The following FAM184A variants were observed in gnomAD, a reference collection of about 807,000 sequenced individuals.
FAM184A encodes the protein family with sequence similarity 184 member A.
FAM184A carries 99 observed loss-of-function variants against 143.8 expected under a neutral mutation model. The observed-to-expected ratio is 0.69, with a 90% confidence interval of 0.58 to 0.81. The LOEUF is 0.81. Ranked by LOEUF, FAM184A falls within the 40% of genes least tolerant of loss-of-function variation. The pLI, the probability that FAM184A is intolerant of heterozygous loss-of-function variation, is 0.00. For synonymous variants in FAM184A, 427 were observed against 446.4 expected (o/e 0.96, Z 0.55); for missense variants, 1,217 against 1,310.5 (o/e 0.93, Z 1.10).
At chr6:119,125,989 T>C (rs1270547751) in intron 1 of FAM184A, among the ~76,000 whole-genome samples, 1 of 152,230 alleles carries the variant, frequency 6.6e-6, no homozygotes, top group African/African-American at 2.4e-5. Flanking sequence ...AGCTCACAGT[T>C]CTACAGGTTA....
chr6:119,031,519 A>G (rs529991083), intron 1 of FAM184A: 6 of 152,356 alleles, frequency 3.9e-5, no homozygotes, highest in African/African-American at 1.4e-4. Flanking sequence ...ACTGTAAGAA[A>G]TAAATTTTTA....
chr6:118,960,015 T>C lies in FAM184A; in HGVS notation c.*88A>G, dbSNP rs1281683757. 3.1e-6 allele frequency: 3 copies of C among 983,392 alleles called. No individual in the cohort carries two copies. The Admixed American group carries it at 7.6e-5, about 25-fold the overall frequency. 60.9% of individuals were successfully genotyped at this position (983,392 alleles called of 1,614,324 possible). On this transcript the variant is annotated 3_prime_UTR_variant, in exon 18 of 18. Transcript: ENST00000338891. ...CAAATACTTTCTCATTCACAGTGTTTGACATAGGAAAGCCTATTTACATAA... is the reference window on the plus strand; with the variant it reads ...CAAATACTTTCTCATTCACAGTGTTCGACATAGGAAAGCCTATTTACATAA...
intron 1 of FAM184A, among the ~76,000 whole-genome samples, chr6:119,059,875 A>G (rs1466517724): frequency 6.6e-6 from 1 of 152,224 alleles, no homozygotes; most frequent in Non-Finnish European, 1.5e-5. Context: ...AGAAAAGCAC[A>G]TTTTAATATT....
chr6:119,072,856 T>A (rs942488993), intron 1 of FAM184A, among the ~76,000 whole-genome samples: 1 of 152,060 alleles, frequency 6.6e-6, no homozygotes, highest in Non-Finnish European at 1.5e-5. Flanking sequence ...GCTGAAATGA[T>A]CTATCATTAA....
At chr6:118,985,915 T>C (rs1333748201) in intron 9 of FAM184A, among the ~76,000 whole-genome samples, 1 of 152,210 alleles carries the variant, frequency 6.6e-6, no homozygotes, top group Non-Finnish European at 1.5e-5. Context: ...ATGTAAAATG[T>C]TTAAAGGTGC....
At chr6:118,981,384 C>G (rs1784016618) in intron 9 of FAM184A, among the ~76,000 whole-genome samples, 1 of 152,094 alleles carries the variant, frequency 6.6e-6, no homozygotes, top group Admixed American at 6.6e-5. Flanking sequence ...GTTCCATAAG[C>G]AACTTAAAAC....
chr6:119,147,968 GTGAT>G (rs1772509514), intron 1 of FAM184A, among the ~76,000 whole-genome samples: 1 of 152,218 alleles, frequency 6.6e-6, no homozygotes, highest in South Asian at 2.1e-4. Context: ...CAAAATGCAA[GTGAT>G]GGTGGCCAAC....
chr6:119,022,507 G>A lies in FAM184A; in HGVS notation c.1150+438C>T, dbSNP rs146033358. On this transcript the variant is annotated intron_variant, in intron 3 of 17. Coordinates refer to ENST00000338891, the MANE Select transcript of FAM184A (RefSeq NM_024581.6). ...TTATAAGTAATTAGTAACATATTGA[G>A]TCCTTTAACTTATTTACAGTCTAAA... Among the ~76,000 whole-genome samples, 602 of 152,140 alleles carry A rather than the reference G, an allele frequency of 4.0e-3. 6 individuals carry two copies. Among genetic ancestry groups the A allele is most frequent in the African/African-American group, 0.014 (573 of 41,488 alleles).
At chr6:119,089,239 T>G (rs1788309363) in intron 1 of FAM184A, among the ~76,000 whole-genome samples, 1 of 150,968 alleles carries the variant, frequency 6.6e-6, no homozygotes, top group South Asian at 2.1e-4. Context: ...AGTCTCACTC[T>G]GTCACCGAGG....
At chr6:119,060,335 T>C (rs779189825) in intron 1 of FAM184A, among the ~76,000 whole-genome samples, 1 of 152,116 alleles carries the variant, frequency 6.6e-6, no homozygotes, top group African/African-American at 2.4e-5. Context: ...GTCAATAATA[T>C]CTTTTTGCCA....
In FAM184A at chr6:119,078,213, C is replaced by T; in HGVS notation, c.87G>A (p.Leu29=). The T allele has an allele frequency of 6.4e-7, 1 of 1,564,514 alleles. No homozygotes were observed. The highest frequency in any genetic ancestry group is 2.4e-5 in the East Asian group (1 of 41,558). ...KFAPSPATAQ[L]AGHSMDYSQE... The stretch of plus-strand genomic sequence containing the variant: ...GGCTGTAGTCCATGCTGTGCCCAGC[C>T]AGCTGTGCGGTGGCCGGCGAGGGCG... The change falls in exon 1 of 18, where the codon CTG becomes CTA. Residue 29 remains leucine, a synonymous_variant. Transcript: ENST00000338891. The surrounding 1 kb of genome is among the most constrained non-coding windows in gnomAD (Gnocchi z 5.5).
intron 9 of FAM184A, among the ~76,000 whole-genome samples, chr6:118,994,403 T>C (rs955633358): frequency 6.6e-6 from 1 of 151,882 alleles, no homozygotes. Flanking sequence ...AGCCAGAGGG[T>C]TGGCCGGGTG....
In FAM184A at chr6:119,047,857, C is replaced by T. The variant is rs147364451; in HGVS notation, c.160-23044G>A. On this transcript the variant is annotated intron_variant, in intron 1 of 17. Transcript: ENST00000338891. ...ATTCCATAAAATTGAGGAGGAAGGA[C>T]TCCTCCCCAACACATTCTATAAGGC... is the stretch of plus-strand genomic sequence containing the variant. 7.9e-5 allele frequency among the ~76,000 whole-genome samples: 12 copies of T among 152,220 alleles called. 1 individual carries two copies. The East Asian group carries it at 2.3e-3, about 29-fold the overall frequency.
upstream of FAM184A, among the ~76,000 whole-genome samples, chr6:119,080,694 A>G (rs1788037942): frequency 6.6e-6 from 1 of 152,210 alleles, no homozygotes; most frequent in South Asian, 2.1e-4. Flanking sequence ...TCTGAAATCC[A>G]AAATGTTCCA....
At chr6:119,125,151 C>T (rs940501962) in intron 1 of FAM184A, among the ~76,000 whole-genome samples, 13 of 152,170 alleles carry the variant, frequency 8.5e-5, no homozygotes, top group African/African-American at 3.1e-4. Flanking sequence ...TTAGAATAAG[C>T]TTTCAGAAAA....
chr6:119,073,915 C>G (rs142186489), intron 1 of FAM184A, among the ~76,000 whole-genome samples: 2 of 152,278 alleles, frequency 1.3e-5, no homozygotes, highest in African/African-American at 4.8e-5. Flanking sequence ...GGTGGGATCA[C>G]ACAAGTCCAT....
At position 119,008,604 on chromosome 6, in the gene FAM184A, G is replaced by A. The variant is rs9387623; in HGVS notation, c.1654-1996C>T. On this transcript the variant is annotated intron_variant, in intron 6 of 17. Coordinates refer to ENST00000338891, the MANE Select transcript of FAM184A (RefSeq NM_024581.6). ...AATAAATTTTTTTTTCTTTAGGCTA[G>A]TTTGAGGTAGGATTTCTGTCATTTG... 3.9e-3 allele frequency among the ~76,000 whole-genome samples: 594 copies of A among 152,140 alleles called. 10 individuals carry two copies. The highest frequency in any genetic ancestry group is 0.038 in the East Asian group (199 of 5,180).
At chr6:119,125,274 A>G (rs1252556408) in intron 1 of FAM184A, among the ~76,000 whole-genome samples, 1 of 152,030 alleles carries the variant, frequency 6.6e-6, no homozygotes, top group Non-Finnish European at 1.5e-5. Flanking sequence ...ACAAAATATT[A>G]TTTCCTTCTT....
At chr6:119,144,190 C>T (rs1261351852) in intron 1 of FAM184A, among the ~76,000 whole-genome samples, 6 of 145,974 alleles carry the variant, frequency 4.1e-5, no homozygotes, top group Admixed American at 6.8e-5. Flanking sequence ...AAAAATTAGC[C>T]GGGTGTGGTG....
Sources: gnomAD v4.1 joint callset for allele counts (sites outside exome capture counted in the v4.1 genomes callset) on GRCh38, gnomAD v4.1.1 for gene constraint, Gnocchi (gnomAD v3.1) non-coding constraint, MANE v1.5 for transcripts, NCBI Gene and HGNC (gene_info 2026-07-23, HGNC 2026-07-21) for gene names.